The following LRRC4C variants were observed in gnomAD, a reference collection of about 807,000 sequenced individuals.
LRRC4C encodes leucine-rich repeat-containing protein 4C.
Under a neutral mutation model 33.6 loss-of-function variants are expected in LRRC4C, and 5 were observed. The ratio of observed to expected loss-of-function variants is 0.15; its 90% confidence interval spans 0.08 to 0.31. The LOEUF (loss-of-function observed/expected upper bound fraction) is 0.31. Ranked by LOEUF, LRRC4C falls within the 10% of genes least tolerant of loss-of-function variation. LRRC4C has a pLI of 1.00. For synonymous variants in LRRC4C, 329 were observed against 302.0 expected (o/e 1.09, Z -0.93); for missense variants, 560 against 796.7 (o/e 0.70, Z 3.58).
intron 2 of LRRC4C, among the ~76,000 whole-genome samples, chr11:40,700,693 C>T (rs1945824357): frequency 6.6e-6 from 1 of 152,110 alleles, no homozygotes; most frequent in Non-Finnish European, 1.5e-5. Context: ...GTCCAGAGTG[C>T]TCACCATTAC....
intron 2 of LRRC4C, among the ~76,000 whole-genome samples, chr11:40,809,549 G>A (rs1181860361): frequency 4.0e-5 from 6 of 151,744 alleles, no homozygotes; most frequent in Admixed American, 6.6e-5. Flanking sequence ...ACTTTTTGCT[G>A]TAAGTAGATA....
At chr11:40,521,633 G>A (rs533841349) in intron 3 of LRRC4C, among the ~76,000 whole-genome samples, 2 of 152,240 alleles carry the variant, frequency 1.3e-5, no homozygotes, top group Non-Finnish European at 2.9e-5. Context: ...CACTTTGGGA[G>A]GCAAAGGTGG....
intron 2 of LRRC4C, among the ~76,000 whole-genome samples, chr11:40,786,079 C>T (rs751310448): frequency 6.6e-6 from 1 of 152,032 alleles, no homozygotes; most frequent in African/African-American, 2.4e-5. Flanking sequence ...TAAACTCATA[C>T]GAACGATGAA....
In LRRC4C at chr11:40,790,690, G is replaced by A. The variant is rs1950588901; in HGVS notation, c.-406-142412C>T. Among the ~76,000 whole-genome samples the A allele has an allele frequency of 2.0e-5, 3 of 152,008 alleles. No homozygotes were observed. In the South Asian group the frequency reaches 6.2e-4, roughly 32 times the overall value. ...AATCTCTGTAAAACATATCTTTCAG[G>A]GACTAGATCCTATGTGTTTGAATCC... On this transcript the variant is annotated intron_variant, in intron 2 of 6. Coordinates refer to ENST00000528697, the MANE Select transcript of LRRC4C (RefSeq NM_001258419.2).
intron 1 of LRRC4C, among the ~76,000 whole-genome samples, chr11:40,977,660 G>T (rs1344702195): frequency 2.0e-5 from 3 of 152,110 alleles, no homozygotes; most frequent in Non-Finnish European, 4.4e-5. Context: ...TTTCAGTCCA[G>T]ATTCCTGTTT....
At chr11:41,022,166 G>A (rs948343530) in intron 1 of LRRC4C, among the ~76,000 whole-genome samples, 98 of 123,058 alleles carry the variant, frequency 8.0e-4, no homozygotes, top group African/African-American at 2.7e-3. Flanking sequence ...ATATATATAT[G>A]TATATATCTA....
chr11:40,438,641 A>G (rs1011264919), intron 3 of LRRC4C, among the ~76,000 whole-genome samples: 2 of 152,210 alleles, frequency 1.3e-5, no homozygotes, highest in African/African-American at 4.8e-5. Flanking sequence ...AAAACATTTT[A>G]TATATTCTTT....
At chr11:40,696,752 A>ATATATATATATATATATATATATCTGAG (rs1945571990) in intron 2 of LRRC4C, among the ~76,000 whole-genome samples, 3 of 118,352 alleles carry the variant, frequency 2.5e-5, no homozygotes, top group East Asian at 2.6e-4. Context: ...CACTGTGTAT[A>ATATATATATATATATATATATATCTGAG]TATATATATA....
At chr11:40,486,428 G>C (rs1953869172) in intron 3 of LRRC4C, among the ~76,000 whole-genome samples, 1 of 151,944 alleles carries the variant, frequency 6.6e-6, no homozygotes, top group South Asian at 2.1e-4. Flanking sequence ...GGGGAAAATA[G>C]GAAATTATTG....
At chr11:40,438,637 T>C (rs1034305552) in intron 3 of LRRC4C, among the ~76,000 whole-genome samples, 1 of 152,182 alleles carries the variant, frequency 6.6e-6, no homozygotes, top group Non-Finnish European at 1.5e-5. Context: ...AAGAAAAACA[T>C]TTTATATATT....
At chr11:41,212,956 A>G (rs1372061528) in intron 1 of LRRC4C, among the ~76,000 whole-genome samples, 1 of 152,148 alleles carries the variant, frequency 6.6e-6, no homozygotes, top group Non-Finnish European at 1.5e-5. Flanking sequence ...ACTGAATTCA[A>G]TCTTTGTTCT....
chr11:40,227,577 G>T (rs1864899306), intron 5 of LRRC4C, among the ~76,000 whole-genome samples: 1 of 152,116 alleles, frequency 6.6e-6, no homozygotes, highest in African/African-American at 2.4e-5. Context: ...AGGGAAAGAG[G>T]TGAAAAGTCT....
rs575991390 is a variant in LRRC4C at position 41,017,125 on chromosome 11, C to G, written c.-495-83402G>C. Among the ~76,000 whole-genome samples the G allele has an allele frequency of 6.6e-5, 10 of 152,198 alleles. No homozygotes were observed. The South Asian group carries it at 2.1e-3, about 32-fold the overall frequency. ...GGACTTGTTTCTTTCTTATGGTGAA[C>G]AAGAGCAAAAATAAAATTATTTCAC... On this transcript the variant is annotated intron_variant, in intron 1 of 6. Coordinates refer to ENST00000528697, the MANE Select transcript of LRRC4C (RefSeq NM_001258419.2).
intron 2 of LRRC4C, among the ~76,000 whole-genome samples, chr11:40,650,667 A>G (rs971020199): frequency 6.6e-6 from 1 of 152,196 alleles, no homozygotes; most frequent in Non-Finnish European, 1.5e-5. Context: ...TTGGCCTGAA[A>G]TTGCACATCT....
At chr11:40,415,928 T>C (rs1357458920) in intron 3 of LRRC4C, among the ~76,000 whole-genome samples, 2 of 152,212 alleles carry the variant, frequency 1.3e-5, no homozygotes, top group African/African-American at 4.8e-5. Context: ...AGCTATGAAA[T>C]AGAAATTATA....
At chr11:40,788,895 A>G (rs1368264456) in intron 2 of LRRC4C, among the ~76,000 whole-genome samples, 1 of 152,072 alleles carries the variant, frequency 6.6e-6, no homozygotes, top group Non-Finnish European at 1.5e-5. Context: ...GGTCGAGACC[A>G]TCCTGGCTAA....
At position 40,626,181 on chromosome 11, in the gene LRRC4C, G is replaced by T. The variant is rs546651807; in HGVS notation, c.-270+21961C>A. 4.0e-5 allele frequency among the ~76,000 whole-genome samples: 6 copies of T among 151,844 alleles called. No individual in the cohort carries two copies. The East Asian group carries it at 1.2e-3, about 30-fold the overall frequency. Reference sequence around the variant, plus strand: ...ACACAGTAGTCTCCTTCTGTCCCTCGAAATTGTTCTTTCCTCTGCCGGAAA... The same window carrying T: ...ACACAGTAGTCTCCTTCTGTCCCTCTAAATTGTTCTTTCCTCTGCCGGAAA... On this transcript the variant is annotated intron_variant, in intron 3 of 6. Transcript: ENST00000528697.
At chr11:41,243,228 A>C (rs1027277560) in intron 1 of LRRC4C, among the ~76,000 whole-genome samples, 1 of 152,232 alleles carries the variant, frequency 6.6e-6, no homozygotes, top group Non-Finnish European at 1.5e-5. Flanking sequence ...TCATCATAAA[A>C]GAAGGAAACA....
At chr11:41,036,238 G>T (rs1189309932) in intron 1 of LRRC4C, among the ~76,000 whole-genome samples, 1 of 152,036 alleles carries the variant, frequency 6.6e-6, no homozygotes, top group East Asian at 1.9e-4. Context: ...AATTCATTCT[G>T]GGTTTTTGAC....
Sources: allele counts gnomAD v4.1 joint callset (sites outside exome capture counted in the v4.1 genomes callset), GRCh38; gene constraint gnomAD v4.1.1; transcripts MANE v1.5; gene names NCBI Gene and HGNC (gene_info 2026-07-23, HGNC 2026-07-21).